FXN: variants seen among roughly 807,000 people sequenced by gnomAD.
FXN encodes frataxin, mitochondrial.
In FXN, 14 loss-of-function variants were observed where a neutral mutation model predicts 22.4. The observed-to-expected ratio is 0.62, with a 90% CI of 0.41 to 0.98. The LOEUF is 0.98. FXN is among the 50% of genes least tolerant of loss of function. The pLI, the probability that FXN is intolerant of heterozygous loss-of-function variation, is 0.00. For missense variants in FXN, 267 were observed against 268.4 expected (o/e 0.99, Z 0.04); for synonymous variants, 120 against 114.1 (o/e 1.05, Z -0.33).
Position 69,073,716 on chromosome 9 carries a change from A to G in FXN, c.*954A>G. ...GCTTCCCCATCTGTTAAATGAGAGA[A>G]TAGAGTATGGTTGATTCCCAGCATT... On this transcript the variant is annotated 3_prime_UTR_variant, in exon 5 of 5. Transcript: ENST00000484259. 1 of 985,410 alleles carries G rather than the reference A, an allele frequency of 1.0e-6. No homozygotes were observed. Among genetic ancestry groups the G allele is most frequent in the South Asian group, 4.7e-5 (1 of 21,284 alleles). 61.0% of individuals were successfully genotyped at this position (985,410 alleles called of 1,614,324 possible).
intron 1 of FXN, among the ~76,000 whole-genome samples, chr9:69,037,759 G>A (rs1426153191): frequency 1.3e-5 from 2 of 152,218 alleles, no homozygotes; most frequent in East Asian, 3.9e-4. Flanking sequence ...TGCAACCTCT[G>A]CCTCCTGGGT....
rs892995672 is a variant in FXN at position 69,038,231 on chromosome 9, A to G, written c.165+2284A>G. Among the ~76,000 whole-genome samples, 6 of 152,190 alleles carry G rather than the reference A, an allele frequency of 3.9e-5. No individual in the cohort carries two copies. The East Asian group carries it at 1.2e-3, about 29-fold the overall frequency. On this transcript the variant is annotated intron_variant, in intron 1 of 4. Coordinates refer to ENST00000484259, the MANE Select transcript of FXN (RefSeq NM_000144.5). ...AGGAGTTGGGTGGGTGGCAGTGGCAACTGGGGCCACCATCCTGTTTAATTA... is the reference window on the plus strand; with the variant it reads ...AGGAGTTGGGTGGGTGGCAGTGGCAGCTGGGGCCACCATCCTGTTTAATTA...
chr9:69,076,837 G>A lies in FXN; in HGVS notation c.*4075G>A. 1 of 985,468 alleles carries A rather than the reference G, an allele frequency of 1.0e-6. No homozygotes were observed. Among genetic ancestry groups the A allele is most frequent in the Non-Finnish European group, 1.2e-6 (1 of 829,954 alleles). The allele number at this position is 985,468 out of a possible 1,614,324, so 61.0% of individuals were successfully genotyped here. A position where few individuals can be genotyped will look rare whatever the true frequency, so the allele number is the denominator to read the frequency against. On this transcript the variant is annotated 3_prime_UTR_variant, in exon 5 of 5. Coordinates refer to ENST00000484259, the MANE Select transcript of FXN (RefSeq NM_000144.5). ...ATGCCAGCAAGGGAGAAAGGGGAAG[G>A]AGGGGCAAAGTTTTGAAATTTCATG...
At chr9:69,046,563 T>G (rs1831759650) in intron 2 of FXN, 81 bp downstream of exon 2, 2 of 936,478 alleles carry the variant, frequency 2.1e-6, no homozygotes, top group African/African-American at 3.3e-5. Context: ...GTTTTCTTCC[T>G]GAGCAGCAAC....
chr9:69,041,076 A>G (rs1831649412), intron 1 of FXN, among the ~76,000 whole-genome samples: 1 of 152,238 alleles, frequency 6.6e-6, no homozygotes, highest in African/African-American at 2.4e-5. Context: ...TGTATCCCTG[A>G]CACCAGGTTA....
Position 69,074,084 on chromosome 9 carries a change from C to T in FXN, c.*1322C>T, listed in dbSNP as rs1442040986. 2.9e-6 allele frequency: 1 copy of T among 349,374 alleles called. No homozygotes were observed. Among genetic ancestry groups the T allele is most frequent in the East Asian group, 1.7e-4 (1 of 5,940 alleles). 21.6% of individuals were successfully genotyped at this position (349,374 alleles called of 1,614,324 possible). A position where few individuals can be genotyped will look rare whatever the true frequency, so the allele number is the denominator to read the frequency against. ...CCTGTAATCCCAGCTACTTGGGAGG[C>T]TGAAGCGGAAGAATCGCTTGAACCC... On this transcript the variant is annotated 3_prime_UTR_variant, in exon 5 of 5. Coordinates refer to ENST00000484259, the MANE Select transcript of FXN (RefSeq NM_000144.5).
Position 69,069,193 on chromosome 9 carries a change from G to GTC in FXN, c.483-3415_483-3414dup, listed in dbSNP as rs1746646502. Among the ~76,000 whole-genome samples, 9 of 152,300 alleles carry GTC rather than the reference G, an allele frequency of 5.9e-5. No homozygotes were observed. The South Asian group carries it at 1.7e-3, about 28-fold the overall frequency. On this transcript the variant is annotated intron_variant, in intron 4 of 4. Coordinates refer to ENST00000484259, the MANE Select transcript of FXN (RefSeq NM_000144.5). ...AGCCTGGGCAACATAGTGAAACCCT[G>GTC]TCTCTACTAAAAATACAAAAAATTC... is the stretch of plus-strand genomic sequence containing the variant.
At chr9:69,045,549 T>C (rs2498426) in intron 1 of FXN, among the ~76,000 whole-genome samples, 151,698 of 152,284 alleles carry the variant, frequency 1, 75,558 homozygotes, top group Middle Eastern at 1. Context: ...GCCGAGATCG[T>C]GCCACTGCAC....
chr9:69,042,096 G>A (rs1831667655), intron 1 of FXN, among the ~76,000 whole-genome samples: 1 of 152,044 alleles, frequency 6.6e-6, no homozygotes, highest in South Asian at 2.1e-4. Flanking sequence ...AAATTAGCTG[G>A]GCATGGAGGT....
chr9:69,040,623 G>A (rs1383504277), intron 1 of FXN, among the ~76,000 whole-genome samples: 10 of 152,040 alleles, frequency 6.6e-5, no homozygotes, highest in Admixed American at 2.0e-4. Context: ...ATCCGAGATC[G>A]TGCCACTGCA....
chr9:69,076,692 C>T lies in FXN; in HGVS notation c.*3930C>T. ...TGTGTGGACTAACCATGCAAGGTTGCCAAGGAAAAATCGCTTTACGCTTCC... is the reference window on the plus strand; with the variant it reads ...TGTGTGGACTAACCATGCAAGGTTGTCAAGGAAAAATCGCTTTACGCTTCC... On this transcript the variant is annotated 3_prime_UTR_variant, in exon 5 of 5. Coordinates refer to ENST00000484259, the MANE Select transcript of FXN (RefSeq NM_000144.5). The T allele has an allele frequency of 1.0e-6, 1 of 985,324 alleles. No individual in the cohort carries two copies. Among genetic ancestry groups the T allele is most frequent in the Non-Finnish European group, 1.2e-6 (1 of 829,918 alleles). The allele number at this position is 985,324 out of a possible 1,614,324, so 61.0% of individuals were successfully genotyped here. A position where few individuals can be genotyped will look rare whatever the true frequency, so the allele number is the denominator to read the frequency against.
At chr9:69,065,562 G>A (rs1004154338) in intron 4 of FXN, among the ~76,000 whole-genome samples, 4 of 141,144 alleles carry the variant, frequency 2.8e-5, no homozygotes, top group Admixed American at 1.4e-4. Context: ...AAAAGTCATC[G>A]TCTTATGTTA....
chr9:69,065,953 G>T (rs1405669407), intron 4 of FXN, among the ~76,000 whole-genome samples: 1 of 152,150 alleles, frequency 6.6e-6, no homozygotes, highest in Non-Finnish European at 1.5e-5. Flanking sequence ...ATATATTGCT[G>T]CTCCAGGGCA....
chr9:69,061,440 G>A (rs2871219), intron 3 of FXN, among the ~76,000 whole-genome samples: 54,649 of 151,850 alleles, frequency 0.36, 10,813 homozygotes, highest in Non-Finnish European at 0.43. Context: ...CCCCAGTATA[G>A]GGTGCAACAC....
In FXN at chr9:69,074,259, A is replaced by G. The variant is rs1250564824; in HGVS notation, c.*1497A>G. ...CTTACTGGGTTAATCGTATTATACC[A>G]CATTACCTCATTTTAATTTTTACTG... is the stretch of plus-strand genomic sequence containing the variant. On this transcript the variant is annotated 3_prime_UTR_variant, in exon 5 of 5. Transcript: ENST00000484259. The G allele has an allele frequency of 1.2e-5, 12 of 982,638 alleles. No individual in the cohort carries two copies. The highest frequency in any genetic ancestry group is 1.5e-5 in the Non-Finnish European group (12 of 827,500). The allele number at this position is 982,638 out of a possible 1,614,324, so 60.9% of individuals were successfully genotyped here.
At chr9:69,067,788 C>T (rs1288828408) in intron 4 of FXN, among the ~76,000 whole-genome samples, 1 of 152,194 alleles carries the variant, frequency 6.6e-6, no homozygotes, top group Non-Finnish European at 1.5e-5. Flanking sequence ...TTCACCACTC[C>T]TCAGCTTCTG....
chr9:69,046,314 A>G (rs1276589223), intron 1 of FXN, 71 bp from the exon 2 acceptor site: 3 of 1,079,154 alleles, frequency 2.8e-6, no homozygotes, highest in African/African-American at 1.6e-5. Context: ...AAGTAGCAAT[A>G]TATAAATTAT....
chr9:69,056,823 A>T (rs76071744), intron 3 of FXN, among the ~76,000 whole-genome samples: 4,537 of 150,802 alleles, frequency 0.03, 265 homozygotes, highest in African/African-American at 0.1. Flanking sequence ...GCTCATCGCA[A>T]CCTCCACCTC....
intron 4 of FXN, among the ~76,000 whole-genome samples, chr9:69,066,928 C>T (rs1187730074): frequency 2.0e-5 from 3 of 151,886 alleles, no homozygotes; most frequent in African/African-American, 7.3e-5. Flanking sequence ...TGAAGAGGTG[C>T]CTTGGCCAGA....
Sources: allele counts gnomAD v4.1 joint callset (sites outside exome capture counted in the v4.1 genomes callset), GRCh38; gene constraint gnomAD v4.1.1; transcripts MANE v1.5; gene names NCBI Gene and HGNC (gene_info 2026-07-23, HGNC 2026-07-21).